AAK1: variants seen among roughly 807,000 people sequenced by gnomAD.
AAK1 encodes AP2-associated protein kinase 1.
A neutral mutation model predicts 116.0 loss-of-function variants in AAK1; 37 were observed. That is an observed-to-expected ratio of 0.32 (90% CI 0.25 to 0.42). The LOEUF is 0.42. AAK1 is among the 10% of genes least tolerant of loss of function. The pLI, the probability that AAK1 is intolerant of heterozygous loss-of-function variation, is 1.00. For missense variants in AAK1, 919 were observed against 1,170.6 expected, an observed-to-expected ratio of 0.79 and a Z score of 3.14; for synonymous variants, 458 against 439.9, an observed-to-expected ratio of 1.04 and a Z score of -0.51.
At chr2:69,543,359 T>C (rs977639671) in intron 4 of AAK1, among the ~76,000 whole-genome samples, 1 of 152,210 alleles carries the variant, frequency 6.6e-6, no homozygotes, top group Non-Finnish European at 1.5e-5. Context: ...GGGCTAAAAT[T>C]ACTGGTTAAC....
intron 2 of AAK1, among the ~76,000 whole-genome samples, chr2:69,594,075 G>A (rs1673154879): frequency 6.6e-6 from 1 of 152,212 alleles, no homozygotes. Context: ...AGGGGACAGG[G>A]TCTCTCCTAA....
intron 2 of AAK1, among the ~76,000 whole-genome samples, chr2:69,589,905 C>T (rs533181651): frequency 1.2e-4 from 18 of 151,992 alleles, no homozygotes; most frequent in African/African-American, 4.3e-4. Flanking sequence ...AAGGTAGCTC[C>T]ATTTTGTCTC....
At chr2:69,505,883 G>C (rs1050260033) in intron 15 of AAK1, among the ~76,000 whole-genome samples, 1 of 152,216 alleles carries the variant, frequency 6.6e-6, no homozygotes, top group Non-Finnish European at 1.5e-5. Context: ...AATCAAAAGA[G>C]AGCATGTCAT....
chr2:69,497,003 T>C (rs1675771387), intron 16 of AAK1, among the ~76,000 whole-genome samples: 1 of 152,188 alleles, frequency 6.6e-6, no homozygotes, highest in Non-Finnish European at 1.5e-5. Flanking sequence ...CCCTATGGAA[T>C]AACAGAGCTT....
intron 2 of AAK1, among the ~76,000 whole-genome samples, chr2:69,624,489 A>C (rs1674807435): frequency 6.6e-6 from 1 of 152,198 alleles, no homozygotes; most frequent in African/African-American, 2.4e-5. Flanking sequence ...AAAGTCTTGA[A>C]GAAGAATATA....
In AAK1 at chr2:69,460,610, C is replaced by G. The variant is rs1042403262; in HGVS notation, c.*15259G>C. 2.0e-5 allele frequency: 3 copies of G among 152,178 alleles called. No homozygotes were observed. The highest frequency in any genetic ancestry group is 7.2e-5 in the African/African-American group (3 of 41,444). The allele number at this position is 152,178 out of a possible 1,614,324, so 9.4% of individuals were successfully genotyped here. The stretch of plus-strand genomic sequence containing the variant: ...TACAACATGAGCCTCTAAACACATA[C>G]ACTCTAGTCTACAAATATGAGACTT... On this transcript the variant is annotated 3_prime_UTR_variant, in exon 22 of 22. Coordinates refer to ENST00000409085, the MANE Select transcript of AAK1 (RefSeq NM_014911.5).
chr2:69,515,575 C>T (rs545114104), intron 12 of AAK1, among the ~76,000 whole-genome samples: 93 of 152,238 alleles, frequency 6.1e-4, no homozygotes, highest in African/African-American at 2.0e-3. Context: ...GCAATCCTCC[C>T]GCTTCGGCCT....
At chr2:69,562,657 C>T (rs563383897) in intron 2 of AAK1, among the ~76,000 whole-genome samples, 17 of 152,208 alleles carry the variant, frequency 1.1e-4, no homozygotes, top group Middle Eastern at 3.4e-3. Context: ...TTTGGGAGGT[C>T]GAGGCGGGCA....
rs575905955 is a variant in AAK1, at chr2:69,466,773, A to C, written c.*9096T>G. On this transcript the variant is annotated 3_prime_UTR_variant, in exon 22 of 22. Coordinates refer to ENST00000409085, the MANE Select transcript of AAK1 (RefSeq NM_014911.5). ...TTGGAACATGATAGGCACGACGTACAGGAAAGGAGATGAAGATGTTAGGCA... is the reference window on the plus strand; with the variant it reads ...TTGGAACATGATAGGCACGACGTACCGGAAAGGAGATGAAGATGTTAGGCA... 1.0e-6 allele frequency: 1 copy of C among 985,458 alleles called. No homozygotes were observed. Among genetic ancestry groups the C allele is most frequent in the East Asian group, 1.1e-4 (1 of 8,814 alleles). 61.0% of individuals were successfully genotyped at this position (985,458 alleles called of 1,614,324 possible).
rs561070470 is a variant in AAK1 at position 69,473,736 on chromosome 2, G to A, written c.*2133C>T. The A allele has an allele frequency of 7.0e-5, 68 of 968,966 alleles. No homozygotes were observed. In the African/African-American group the frequency reaches 1.0e-3, roughly 15 times the overall value. 60.0% of individuals were successfully genotyped at this position (968,966 alleles called of 1,614,324 possible). Reference sequence around the variant, plus strand: ...CATTATATTTCTAACATGTATATACGAAAAAAATCAAATATGAAAACATAG... The same window carrying A: ...CATTATATTTCTAACATGTATATACAAAAAAAATCAAATATGAAAACATAG... On this transcript the variant is annotated 3_prime_UTR_variant, in exon 22 of 22. Coordinates refer to ENST00000409085, the MANE Select transcript of AAK1 (RefSeq NM_014911.5).
chr2:69,487,496 G>C (rs1445527586), intron 17 of AAK1, among the ~76,000 whole-genome samples: 1 of 152,184 alleles, frequency 6.6e-6, no homozygotes, highest in Admixed American at 6.5e-5. Context: ...TCGTGACTTA[G>C]TGATGTCTAA....
At chr2:69,545,258 C>CTGGA (rs753316519) in intron 3 of AAK1, among the ~76,000 whole-genome samples, 33 of 152,256 alleles carry the variant, frequency 2.2e-4, no homozygotes, top group Non-Finnish European at 4.3e-4. Context: ...CATCTAGGAA[C>CTGGA]TGGAAGTGGC....
chr2:69,578,843 G>C (rs1191685928), intron 2 of AAK1, among the ~76,000 whole-genome samples: 1 of 138,680 alleles, frequency 7.2e-6, no homozygotes, highest in African/African-American at 2.8e-5. Flanking sequence ...TCGCTCTGTC[G>C]CCCAGGCTGG....
intron 13 of AAK1, among the ~76,000 whole-genome samples, chr2:69,511,772 G>C (rs1676405050): frequency 6.6e-6 from 1 of 152,158 alleles, no homozygotes; most frequent in Non-Finnish European, 1.5e-5. Context: ...AAAGGAGTTG[G>C]ATAGTTTTCT....
Position 69,643,682 on chromosome 2 carries a change from G to C in AAK1, c.-342C>G. 10 of 1,222,104 alleles carry C rather than the reference G, an allele frequency of 8.2e-6. No individual in the cohort carries two copies. The highest frequency in any genetic ancestry group is 1.0e-5 in the Non-Finnish European group (10 of 981,772). The allele number at this position is 1,222,104 out of a possible 1,614,324, so 75.7% of individuals were successfully genotyped here. On this transcript the variant is annotated 5_prime_UTR_variant, in exon 1 of 22. Coordinates refer to ENST00000409085, the MANE Select transcript of AAK1 (RefSeq NM_014911.5). ...GAGGCGGCGCTGCAGCGAGAGCCGGGGCCGCGCTCGGCTCCCGCCCGCCCG... is the reference window on the plus strand; with the variant it reads ...GAGGCGGCGCTGCAGCGAGAGCCGGCGCCGCGCTCGGCTCCCGCCCGCCCG...
intron 5 of AAK1, among the ~76,000 whole-genome samples, chr2:69,538,205 T>C (rs1441813376): frequency 6.6e-6 from 1 of 152,238 alleles, no homozygotes. Flanking sequence ...TGCCTCCGTC[T>C]TAGGAGCACT....
rs534824979 is a variant in AAK1 at position 69,521,581 on chromosome 2, C to A, written c.1056-593G>T. Among the ~76,000 whole-genome samples the A allele has an allele frequency of 2.6e-5, 4 of 152,334 alleles. No individual in the cohort carries two copies. The South Asian group carries it at 8.3e-4, about 32-fold the overall frequency. ...CAGAAACTCCATTTCTTCCAATATA[C>A]ATACTATCTTTTTTCCACAGTAACA... On this transcript the variant is annotated intron_variant, in intron 10 of 21. Transcript: ENST00000409085.
At chr2:69,530,466 C>A (rs991389635) in intron 7 of AAK1, among the ~76,000 whole-genome samples, 159 bp downstream of exon 7, 1 of 152,176 alleles carries the variant, frequency 6.6e-6, no homozygotes, top group Non-Finnish European at 1.5e-5. Flanking sequence ...CTTCAAGAAG[C>A]AGTGGCTGGT....
Position 69,518,814 on chromosome 2 carries a change from C to T in AAK1, c.1497+140G>A, listed in dbSNP as rs1433406252. 6.9e-6 allele frequency: 9 copies of T among 1,304,818 alleles called. No homozygotes were observed. In the East Asian group the frequency reaches 2.0e-4, roughly 30 times the overall value. 80.8% of individuals were successfully genotyped at this position (1,304,818 alleles called of 1,614,324 possible). On this transcript the variant is annotated intron_variant, in intron 12 of 21. Coordinates refer to ENST00000409085, the MANE Select transcript of AAK1 (RefSeq NM_014911.5). ...AGGGGTGTGAGTGATGGATCCGCTT[C>T]TCAATGCTTTAGTATCTACATCTAT... is the stretch of plus-strand genomic sequence containing the variant.
Sources: allele counts gnomAD v4.1 joint callset (sites outside exome capture counted in the v4.1 genomes callset), GRCh38; gene constraint gnomAD v4.1.1; transcripts MANE v1.5; gene names NCBI Gene and HGNC (gene_info 2026-07-23, HGNC 2026-07-21).